The following SLC35A5 variants were observed in gnomAD, a reference collection of about 807,000 sequenced individuals.
SLC35A5 encodes solute carrier family 35 member A5.
Under a neutral mutation model 36.3 loss-of-function variants are expected in SLC35A5, and 28 were observed. The observed-to-expected ratio is 0.77, with a 90% CI of 0.57 to 1.06. The LOEUF (loss-of-function observed/expected upper bound fraction) is 1.06. Ranked by LOEUF, SLC35A5 falls within the 50% of genes least tolerant of loss-of-function variation. SLC35A5 has a pLI of 0.00. For synonymous variants in SLC35A5, 180 were observed against 173.7 expected (o/e 1.04, Z -0.29); for missense variants, 521 against 499.3 (o/e 1.04, Z -0.41).
chr3:112,571,389 G>A (rs1934427497), intron 4 of SLC35A5, among the ~76,000 whole-genome samples: 1 of 151,938 alleles, frequency 6.6e-6, no homozygotes, highest in Admixed American at 6.6e-5. Context: ...TGCCTTTATT[G>A]CCAAAATGTG....
In SLC35A5 at chr3:112,568,269, T is replaced by C. The variant is rs567445875; in HGVS notation, c.131-902T>C. Among the ~76,000 whole-genome samples, 13 of 152,342 alleles carry C rather than the reference T, an allele frequency of 8.5e-5. No homozygotes were observed. The South Asian group carries it at 2.7e-3, about 32-fold the overall frequency. ...GGAAGAAAGTGTTCTGGATAGACAG[T>C]GTCCACTTGGCTTTTTTTCCCTACA... On this transcript the variant is annotated intron_variant, in intron 2 of 6. Coordinates refer to ENST00000492406, the MANE Select transcript of SLC35A5 (RefSeq NM_017945.5).
At chr3:112,577,147 A>C (rs1336281540) in intron 5 of SLC35A5, among the ~76,000 whole-genome samples, 1 of 152,078 alleles carries the variant, frequency 6.6e-6, no homozygotes, top group Non-Finnish European at 1.5e-5. Flanking sequence ...CTACAAAAGC[A>C]GGCAAAAGTA....
At position 112,580,630 on chromosome 3, in the gene SLC35A5, A is replaced by G; in HGVS notation, c.513A>G (p.Leu171=). ...CCTTGACTGCCGGGACTAAAACTTT[A>G]CAGCACAACTTGGCAGGACGTGGAT... ...IVALTAGTKT[L]QHNLAGRGFH... is the part of the protein sequence containing the mutation. The change falls in exon 6 of 7, where the codon TTA becomes TTG. Residue 171 remains leucine (L), a synonymous_variant. Transcript: ENST00000492406. 1.2e-6 allele frequency: 2 copies of G among 1,614,118 alleles called. No individual in the cohort carries two copies. The highest frequency in any genetic ancestry group is 1.7e-6 in the Non-Finnish European group (2 of 1,179,972).
In SLC35A5 at chr3:112,582,774, T is replaced by C. The variant is rs1934990767; in HGVS notation, c.*38T>C. The C allele has an allele frequency of 6.9e-7, 1 of 1,441,294 alleles. No individual in the cohort carries two copies. Among genetic ancestry groups the C allele is most frequent in the Non-Finnish European group, 9.7e-7 (1 of 1,030,112 alleles). The allele number at this position is 1,441,294 out of a possible 1,614,324, so 89.3% of individuals were successfully genotyped here. A position where few individuals can be genotyped will look rare whatever the true frequency, so the allele number is the denominator to read the frequency against. On this transcript the variant is annotated 3_prime_UTR_variant, in exon 7 of 7. Transcript: ENST00000492406. The stretch of plus-strand genomic sequence containing the variant: ...TAGTTTGCAGCTCTCTTGAACCTTA[T>C]TTTCACATTTTCAGTGTTTGTAATA...
In SLC35A5 at chr3:112,584,550, G is replaced by A. The variant is rs1935072264; in HGVS notation, c.*1814G>A. The A allele has an allele frequency of 6.6e-6, 1 of 151,970 alleles. No homozygotes were observed. The highest frequency in any genetic ancestry group is 6.6e-5 in the Admixed American group (1 of 15,248). 9.4% of individuals were successfully genotyped at this position (151,970 alleles called of 1,614,324 possible). A position where few individuals can be genotyped will look rare whatever the true frequency, so the allele number is the denominator to read the frequency against. On this transcript the variant is annotated 3_prime_UTR_variant, in exon 7 of 7. Coordinates refer to ENST00000492406, the MANE Select transcript of SLC35A5 (RefSeq NM_017945.5). The stretch of plus-strand genomic sequence containing the variant: ...ACTTTTTTTCCTCACCTTCCTCTTT[G>A]GAAAGCATTTTTTGCACAAAGTTAA...
intron 1 of SLC35A5, 140 bp from the exon 2 acceptor site, chr3:112,563,245 C>T: frequency 1.9e-6 from 1 of 525,076 alleles, no homozygotes; most frequent in Non-Finnish European, 3.0e-6. Context: ...GTCATAGTTT[C>T]TTTATGCCTC....
At chr3:112,577,632 G>A (rs1934729966) in intron 5 of SLC35A5, among the ~76,000 whole-genome samples, 1 of 152,192 alleles carries the variant, frequency 6.6e-6, no homozygotes, top group Admixed American at 6.5e-5. Flanking sequence ...CCTAAAAAAT[G>A]TATATAAGTT....
At chr3:112,575,433 T>A (rs1008729833) in intron 5 of SLC35A5, among the ~76,000 whole-genome samples, 57 of 151,434 alleles carry the variant, frequency 3.8e-4, no homozygotes, top group African/African-American at 1.4e-3. Flanking sequence ...CCTTGTTAAA[T>A]TTTTAAGCAT....
chr3:112,583,809 A>G lies in SLC35A5; in HGVS notation c.*1073A>G, dbSNP rs960856618. 6.6e-6 allele frequency: 1 copy of G among 152,144 alleles called. No homozygotes were observed. The highest frequency in any genetic ancestry group is 2.4e-5 in the African/African-American group (1 of 41,440). The allele number at this position is 152,144 out of a possible 1,614,324, so 9.4% of individuals were successfully genotyped here. ...CACTTAAAAGTGCATGGTATTTTTC[A>G]TGGTATTTTGCATGCAGCCAGTTAA... On this transcript the variant is annotated 3_prime_UTR_variant, in exon 7 of 7. Coordinates refer to ENST00000492406, the MANE Select transcript of SLC35A5 (RefSeq NM_017945.5).
intron 5 of SLC35A5, 93 bp from the exon 6 acceptor site, chr3:112,580,453 T>G (rs1576761408): frequency 7.2e-7 from 1 of 1,396,462 alleles, no homozygotes. Flanking sequence ...GTCCAGTTTA[T>G]TCAACCAAAT....
chr3:112,578,893 C>T (rs1934775641), intron 5 of SLC35A5, among the ~76,000 whole-genome samples: 3 of 151,974 alleles, frequency 2.0e-5, no homozygotes, highest in Admixed American at 6.6e-5. Flanking sequence ...TCTCTGTGGT[C>T]ATTCTATTTG....
At chr3:112,582,059 A>C (rs1368443316) in intron 6 of SLC35A5, among the ~76,000 whole-genome samples, 3 of 152,198 alleles carry the variant, frequency 2.0e-5, no homozygotes, top group African/African-American at 7.2e-5. Context: ...TATACGTTTA[A>C]ATAAGTGAAA....
chr3:112,569,394 A>G, intron 3 of SLC35A5, 125 bp downstream of exon 3: 2 of 726,566 alleles, frequency 2.8e-6, no homozygotes. Context: ...TAAGATACAA[A>G]CATAAGTATG....
At chr3:112,573,589 A>G (rs1934543380) in intron 4 of SLC35A5, among the ~76,000 whole-genome samples, 1 of 152,290 alleles carries the variant, frequency 6.6e-6, no homozygotes, top group Non-Finnish European at 1.5e-5. Context: ...TTTGAAAAGT[A>G]GGCTTCATAA....
chr3:112,561,566 G>A (rs1933883602), upstream of SLC35A5: 1 of 1,594,890 alleles, frequency 6.3e-7, no homozygotes, highest in Admixed American at 1.7e-5. Context: ...GCGACGGGAT[G>A]GAAAGTGCAG....
intron 2 of SLC35A5, 110 bp from the exon 3 acceptor site, chr3:112,569,061 A>T: frequency 1.2e-6 from 1 of 808,390 alleles, no homozygotes; most frequent in South Asian, 2.1e-5. Context: ...GAAACTTAAT[A>T]TAACCAGTAG....
chr3:112,567,328 G>T (rs1480958498), intron 2 of SLC35A5, among the ~76,000 whole-genome samples: 3 of 151,966 alleles, frequency 2.0e-5, no homozygotes, highest in African/African-American at 7.3e-5. Flanking sequence ...TTGAGTTGGA[G>T]TCTCGCTCTG....
Position 112,563,509 on chromosome 3 carries a change from C to G in SLC35A5, c.106C>G (p.Leu36Val). 2 of 1,605,358 alleles carry G rather than the reference C, an allele frequency of 1.2e-6. No individual in the cohort carries two copies. Among genetic ancestry groups the G allele is most frequent in the South Asian group, 1.1e-5 (1 of 90,416 alleles). Residue 36 changes from leucine (L) to valine (V), a missense_variant, in exon 2 of 7, where the codon CTA (leucine) becomes GTA (valine). Coordinates refer to ENST00000492406, the MANE Select transcript of SLC35A5 (RefSeq NM_017945.5). ...TGCTTTAAGCTCAAGTCGCATCTTA[C>G]TAGTGAAGTATTCTGCCAATGAAGG... ...FIALSSSRIL[L>V]VKYSANEENK...
chr3:112,581,008 A>AT lies in SLC35A5; in HGVS notation c.898dup (p.Tyr300LeufsTer30). The AT allele has an allele frequency of 6.2e-7, 1 of 1,614,028 alleles. No homozygotes were observed. The highest frequency in any genetic ancestry group is 2.2e-5 in the East Asian group (1 of 44,888). The stretch of plus-strand genomic sequence containing the variant: ...ACCGTGATCAGATTAAGAACTGTGG[A>AT]TTTTTTTATGGCCACAGTGCATTTT... On this transcript the variant is annotated frameshift_variant, in exon 6 of 7. Transcript: ENST00000492406. LOFTEE classifies it high-confidence loss of function.
Sources: allele counts gnomAD v4.1 joint callset (sites outside exome capture counted in the v4.1 genomes callset), GRCh38; gene constraint gnomAD v4.1.1; transcripts MANE v1.5; gene names NCBI Gene and HGNC (gene_info 2026-07-23, HGNC 2026-07-21).